LRP1B: variants seen among roughly 807,000 people sequenced by gnomAD.
The protein encoded by LRP1B is low-density lipoprotein receptor-related protein 1B.
Under a neutral mutation model 556.6 loss-of-function variants are expected in LRP1B, and 217 were observed. That is an observed-to-expected ratio of 0.39 (90% CI 0.35 to 0.44). The LOEUF (loss-of-function observed/expected upper bound fraction) is 0.44. LRP1B is among the 20% of genes least tolerant of loss of function. LRP1B has a pLI of 1.00. For synonymous variants in LRP1B, 2,047 were observed against 1,865.8 expected (o/e 1.10, Z -2.50); for missense variants, 5,053 against 5,620.8 (o/e 0.90, Z 3.23).
intron 20 of LRP1B, among the ~76,000 whole-genome samples, chr2:140,932,600 C>G (rs1180174023): frequency 6.6e-6 from 1 of 152,024 alleles, no homozygotes; most frequent in Non-Finnish European, 1.5e-5. Flanking sequence ...AACCCAGGCA[C>G]AGTGGCTAAT....
intron 66 of LRP1B, among the ~76,000 whole-genome samples, chr2:140,389,789 T>C (rs562994105): frequency 6.7e-6 from 1 of 148,974 alleles, no homozygotes; most frequent in South Asian, 2.1e-4. Flanking sequence ...CACTGTCAAA[T>C]TACAGCAAGA....
At chr2:142,089,678 CAGG>C (rs965734560) in intron 1 of LRP1B, among the ~76,000 whole-genome samples, 15 of 152,038 alleles carry the variant, frequency 9.9e-5, no homozygotes, top group Non-Finnish European at 2.2e-4. Context: ...AATGCAATAG[CAGG>C]AGATTAGTTG....
At chr2:141,640,339 C>T (rs886135615) in intron 2 of LRP1B, among the ~76,000 whole-genome samples, 5 of 152,162 alleles carry the variant, frequency 3.3e-5, no homozygotes, top group African/African-American at 1.2e-4. Flanking sequence ...AGAGCTAATA[C>T]CCTGATGGGT....
chr2:140,942,224 G>T (rs1313184677), intron 20 of LRP1B, among the ~76,000 whole-genome samples: 1 of 152,010 alleles, frequency 6.6e-6, no homozygotes, highest in African/African-American at 2.4e-5. Flanking sequence ...TTCAATCAAC[G>T]CAGTCACGCA....
chr2:140,371,080 T>A, intron 70 of LRP1B, 99 bp downstream of exon 70: 1 of 890,232 alleles, frequency 1.1e-6, no homozygotes, highest in Non-Finnish European at 1.7e-6. Context: ...TGTTAAACCA[T>A]GCTAAGAATC....
At chr2:140,359,453 TATATG>T (rs1682403752) in intron 72 of LRP1B, among the ~76,000 whole-genome samples, 1 of 151,696 alleles carries the variant, frequency 6.6e-6, no homozygotes, top group Non-Finnish European at 1.5e-5. Context: ...TTGAGGCACA[TATATG>T]ATCTTAGTTA....
intron 30 of LRP1B, among the ~76,000 whole-genome samples, chr2:140,840,662 G>C (rs146360093): frequency 2.4e-3 from 372 of 152,178 alleles, no homozygotes; most frequent in African/African-American, 8.4e-3. Context: ...TTTTTATTCA[G>C]AACTGTCACT....
At chr2:140,876,065 A>G (rs1350960514) in intron 25 of LRP1B, among the ~76,000 whole-genome samples, 1 of 151,694 alleles carries the variant, frequency 6.6e-6, no homozygotes, top group Admixed American at 6.6e-5. Flanking sequence ...CAGTTTTCTG[A>G]TAACTTTGGA....
chr2:141,865,928 G>A (rs1486894195), intron 1 of LRP1B, among the ~76,000 whole-genome samples: 1 of 152,158 alleles, frequency 6.6e-6, no homozygotes, highest in Non-Finnish European at 1.5e-5. Flanking sequence ...GTTCTTAAAC[G>A]GACTTAACCA....
At chr2:140,381,475 A>G (rs1345158042) in intron 67 of LRP1B, among the ~76,000 whole-genome samples, 1 of 151,380 alleles carries the variant, frequency 6.6e-6, no homozygotes, top group Non-Finnish European at 1.5e-5. Context: ...TTTTCCATAA[A>G]CCTCATCTAG....
intron 32 of LRP1B, among the ~76,000 whole-genome samples, chr2:140,788,614 A>C (rs942924470): frequency 6.6e-6 from 1 of 152,228 alleles, no homozygotes; most frequent in African/African-American, 2.4e-5. Flanking sequence ...ATGTTAAAAA[A>C]ATTAATCTTT....
chr2:141,373,692 CCTTTT>C lies in LRP1B; in HGVS notation c.343+106699_343+106703del, dbSNP rs1156578810. ...TTTGGTTTCCATTTGTGTGGAAGAT[CCTTTT>C]CTTTATGTCCAGTCTATATGTGTCT... On this transcript the variant is annotated intron_variant, in intron 3 of 90. Transcript: ENST00000389484. Among the ~76,000 whole-genome samples, 4 of 151,736 alleles carry C rather than the reference CCTTTT, an allele frequency of 2.6e-5. No individual in the cohort carries two copies. The East Asian group carries it at 7.7e-4, about 29-fold the overall frequency.
At chr2:141,221,369 A>C (rs1408679379) in intron 6 of LRP1B, among the ~76,000 whole-genome samples, 1 of 152,126 alleles carries the variant, frequency 6.6e-6, no homozygotes, top group Non-Finnish European at 1.5e-5. Flanking sequence ...ACTTTCTGAA[A>C]TATATATGCA....
At chr2:141,263,827 T>C (rs1684789167) in intron 3 of LRP1B, among the ~76,000 whole-genome samples, 1 of 152,124 alleles carries the variant, frequency 6.6e-6, no homozygotes, top group Non-Finnish European at 1.5e-5. Flanking sequence ...GTTTTGCATT[T>C]GAGAATCAAT....
intron 1 of LRP1B, among the ~76,000 whole-genome samples, chr2:141,962,538 T>C (rs944410644): frequency 6.6e-6 from 1 of 151,806 alleles, no homozygotes; most frequent in African/African-American, 2.4e-5. Flanking sequence ...TGACCGTCCA[T>C]AGCAAAGTTG....
rs186759361 is a variant in LRP1B, at chr2:140,825,938, T to C, written c.5210-12132A>G. ...TGTCTTGGGTGTTGCTGTGGAAGTA[T>C]TTTGCTGATGTGATAACTATCTGCA... On this transcript the variant is annotated intron_variant, in intron 31 of 90. Coordinates refer to ENST00000389484, the MANE Select transcript of LRP1B (RefSeq NM_018557.3). Among the ~76,000 whole-genome samples, 159 of 152,318 alleles carry C rather than the reference T, an allele frequency of 1.0e-3. 1 individual carries two copies. The East Asian group carries it at 0.016, about 15-fold the overall frequency.
At position 141,451,518 on chromosome 2, in the gene LRP1B, C is replaced by T. The variant is rs138255316; in HGVS notation, c.343+28878G>A. Among the ~76,000 whole-genome samples the T allele has an allele frequency of 8.7e-4, 132 of 152,234 alleles. No homozygotes were observed. In the East Asian group the frequency reaches 0.014, roughly 17 times the overall value. On this transcript the variant is annotated intron_variant, in intron 3 of 90. Transcript: ENST00000389484. ...CTATTACTCCTCAGTACTGTAGGCA[C>T]CTGTGGATAATTCATTGAAGAACAA...
chr2:142,023,003 C>G (rs1315821450), intron 1 of LRP1B, among the ~76,000 whole-genome samples: 2 of 152,112 alleles, frequency 1.3e-5, no homozygotes, highest in East Asian at 3.9e-4. Flanking sequence ...AATGCTGTGT[C>G]TAGAAGACCA....
At chr2:141,430,536 G>A (rs1680524651) in intron 3 of LRP1B, among the ~76,000 whole-genome samples, 1 of 151,978 alleles carries the variant, frequency 6.6e-6, no homozygotes, top group African/African-American at 2.4e-5. Context: ...ACATACATGT[G>A]CAGTATAAAT....
Sources: gnomAD v4.1 joint callset for allele counts (sites outside exome capture counted in the v4.1 genomes callset) on GRCh38, gnomAD v4.1.1 for gene constraint, MANE v1.5 for transcripts, NCBI Gene and HGNC (gene_info 2026-07-23, HGNC 2026-07-21) for gene names.